MEIKIN: variants seen among roughly 807,000 people sequenced by gnomAD.
MEIKIN encodes meiotic kinetochore factor.
intron 4 of MEIKIN, among the ~76,000 whole-genome samples, chr5:131,938,757 A>G (rs1751824963): frequency 6.6e-6 from 1 of 152,180 alleles, no homozygotes; most frequent in Non-Finnish European, 1.5e-5. Flanking sequence ...TGGCTTTTTA[A>G]AAGATTTTTC....
intron 9 of MEIKIN, among the ~76,000 whole-genome samples, chr5:131,867,699 G>C (rs1580880034): frequency 6.6e-6 from 1 of 152,062 alleles, no homozygotes; most frequent in Non-Finnish European, 1.5e-5. Context: ...TTCATTGCTG[G>C]ATACCTAATT....
At chr5:131,836,489 G>T (rs1451896925) in intron 11 of MEIKIN, among the ~76,000 whole-genome samples, 3 of 152,174 alleles carry the variant, frequency 2.0e-5, no homozygotes, top group African/African-American at 7.2e-5. Context: ...TTCCACAATG[G>T]TTGAACTAAT....
At chr5:131,859,449 T>A (rs1364652594) in intron 9 of MEIKIN, among the ~76,000 whole-genome samples, 1 of 152,182 alleles carries the variant, frequency 6.6e-6, no homozygotes, top group Non-Finnish European at 1.5e-5. Flanking sequence ...ACCATCCCCT[T>A]AGTGCTGTTC....
chr5:131,858,250 T>C (rs569740382), intron 9 of MEIKIN, among the ~76,000 whole-genome samples: 72 of 152,216 alleles, frequency 4.7e-4, no homozygotes, highest in Non-Finnish European at 8.8e-4. Context: ...CATAGACCAA[T>C]GGAACAGAAT....
At chr5:131,865,656 A>G (rs1335494731) in intron 9 of MEIKIN, among the ~76,000 whole-genome samples, 1 of 151,220 alleles carries the variant, frequency 6.6e-6, no homozygotes, top group Admixed American at 6.6e-5. Context: ...TGCTTTTTCC[A>G]ATTTTTTTGA....
At chr5:131,901,461 T>C (rs1234747420) in intron 8 of MEIKIN, among the ~76,000 whole-genome samples, 1 of 152,110 alleles carries the variant, frequency 6.6e-6, no homozygotes, top group Non-Finnish European at 1.5e-5. Flanking sequence ...GCATGGACAC[T>C]GGTACCCCTA....
chr5:131,916,915 T>C lies in MEIKIN; in HGVS notation c.609A>G (p.Ser203=). 1 of 397,590 alleles carries C rather than the reference T, an allele frequency of 2.5e-6. No individual in the cohort carries two copies. Among genetic ancestry groups the C allele is most frequent in the Non-Finnish European group, 4.4e-6 (1 of 225,276 alleles). The allele number at this position is 397,590 out of a possible 1,614,324, so 24.6% of individuals were successfully genotyped here. ...SNVSAIFSTS[S]EDYQKCHRKT... is the part of the protein sequence containing the mutation. ...TTCTATGGCATTTCTGATAGTCTTCTGAAGAGGTACCTAGGAGAGAAAATA... is the reference window on the plus strand; with the variant it reads ...TTCTATGGCATTTCTGATAGTCTTCCGAAGAGGTACCTAGGAGAGAAAATA... The change falls in exon 7 of 13, where the codon TCA becomes TCG. Residue 203 remains serine, a synonymous_variant. Coordinates refer to ENST00000442687, the MANE Select transcript of MEIKIN (RefSeq NM_001303622.2).
At chr5:131,944,111 CAAA>C (rs530605601) in intron 3 of MEIKIN, among the ~76,000 whole-genome samples, 6 of 67,808 alleles carry the variant, frequency 8.8e-5, no homozygotes, top group African/African-American at 1.2e-4. Context: ...ACTCTGTCTC[CAAA>C]AAAAAAAAAA....
intron 9 of MEIKIN, among the ~76,000 whole-genome samples, chr5:131,856,988 G>A (rs1487644008): frequency 6.7e-6 from 1 of 150,100 alleles, no homozygotes; most frequent in Non-Finnish European, 1.5e-5. Flanking sequence ...TTAAGTTTTA[G>A]GGTACATGTG....
intron 6 of MEIKIN, among the ~76,000 whole-genome samples, chr5:131,919,767 G>A (rs1044290998): frequency 3.3e-5 from 5 of 152,156 alleles, no homozygotes; most frequent in Non-Finnish European, 4.4e-5. Context: ...TATCCATAGG[G>A]GTTAAGTGAG....
chr5:131,938,999 G>T (rs1283859735), intron 4 of MEIKIN, among the ~76,000 whole-genome samples: 1 of 152,196 alleles, frequency 6.6e-6, no homozygotes, highest in Non-Finnish European at 1.5e-5. Context: ...TTCCAAAAGA[G>T]GAATCCTCTA....
chr5:131,845,734 T>C (rs1171763587), intron 11 of MEIKIN, among the ~76,000 whole-genome samples: 1 of 152,058 alleles, frequency 6.6e-6, no homozygotes, highest in Non-Finnish European at 1.5e-5. Flanking sequence ...AATGAATCTA[T>C]TTAGTCTGAA....
chr5:131,867,081 C>A (rs1306569364), intron 9 of MEIKIN, among the ~76,000 whole-genome samples: 2 of 152,208 alleles, frequency 1.3e-5, no homozygotes, highest in African/African-American at 2.4e-5. Context: ...TACTTCCTCA[C>A]TTTCCATGGT....
intron 4 of MEIKIN, among the ~76,000 whole-genome samples, chr5:131,939,092 C>T (rs950349040): frequency 1.3e-5 from 2 of 152,168 alleles, no homozygotes; most frequent in Admixed American, 6.5e-5. Flanking sequence ...TCACTTAATT[C>T]CCTTTCCTCC....
chr5:131,860,721 A>G (rs1362519955), intron 9 of MEIKIN, among the ~76,000 whole-genome samples: 3 of 142,982 alleles, frequency 2.1e-5, no homozygotes, highest in African/African-American at 5.2e-5. Flanking sequence ...TGCTGGGATT[A>G]CAGGCGTGAG....
chr5:131,875,005 G>A (rs1185697152), intron 9 of MEIKIN, among the ~76,000 whole-genome samples: 3 of 151,028 alleles, frequency 2.0e-5, no homozygotes, highest in Non-Finnish European at 3.0e-5. Context: ...AAAATAATAA[G>A]AGCTATCTAT....
intron 8 of MEIKIN, among the ~76,000 whole-genome samples, chr5:131,888,800 A>T (rs868557657): frequency 6.6e-6 from 1 of 152,122 alleles, no homozygotes; most frequent in Admixed American, 6.6e-5. Flanking sequence ...CTACGTCCTG[A>T]ATGGTATTGC....
At chr5:131,917,522 C>T (rs527680426) in intron 6 of MEIKIN, among the ~76,000 whole-genome samples, 77 of 146,122 alleles carry the variant, frequency 5.3e-4, no homozygotes, top group Non-Finnish European at 6.3e-4. Flanking sequence ...GCCGAGATTG[C>T]GCCACTGCAC....
chr5:131,942,767 GATTT>G (rs1004537492), intron 3 of MEIKIN, 72 bp from the exon 4 acceptor site: 37 of 394,360 alleles, frequency 9.4e-5, no homozygotes, highest in Non-Finnish European at 5.8e-5. Context: ...ATCTTGTACA[GATTT>G]ATTTTAGAAA....
Sources: gnomAD v4.1 joint callset for allele counts (sites outside exome capture counted in the v4.1 genomes callset) on GRCh38, gnomAD v4.1.1 for gene constraint, MANE v1.5 for transcripts, NCBI Gene and HGNC (gene_info 2026-07-23, HGNC 2026-07-21) for gene names.